Variants in PINX1 observed in about 807,000 individuals in gnomAD.
The protein encoded by PINX1 is PIN2/TERF1-interacting telomerase inhibitor 1.
Under a neutral mutation model 25.4 loss-of-function variants are expected in PINX1, and 34 were observed. That is an observed-to-expected ratio of 1.34 (90% confidence interval 1.02 to 1.78). The LOEUF (loss-of-function observed/expected upper bound fraction) is 1.78. PINX1 is among the 40% of genes most tolerant of loss of function. The pLI is 0.00. For missense variants in PINX1, 592 were observed against 404.9 expected (o/e 1.46, Z -3.97); for synonymous variants, 197 against 147.7 (o/e 1.33, Z -2.42).
At chr8:10,835,543 G>A (rs1269131916) in intron 1 of PINX1, among the ~76,000 whole-genome samples, 2 of 152,168 alleles carry the variant, frequency 1.3e-5, no homozygotes, top group Non-Finnish European at 2.9e-5. Flanking sequence ...GAAGCCCTCT[G>A]ACCCCTCTTT....
intron 1 of PINX1, 139 bp downstream of exon 1, chr8:10,839,599 G>A (rs1798507908): frequency 3.6e-6 from 3 of 837,406 alleles, no homozygotes; most frequent in Admixed American, 4.6e-5. Flanking sequence ...AATCAGAGCC[G>A]GGCTCGGCTC....
At chr8:10,817,974 T>C (rs974149988) in intron 6 of PINX1, among the ~76,000 whole-genome samples, 2 of 152,198 alleles carry the variant, frequency 1.3e-5, no homozygotes, top group Admixed American at 6.5e-5. Flanking sequence ...GTAATATAGA[T>C]ACCTGGACCC....
intron 5 of PINX1, among the ~76,000 whole-genome samples, chr8:10,825,782 T>C (rs955800403): frequency 3.9e-5 from 6 of 152,262 alleles, no homozygotes; most frequent in Non-Finnish European, 7.3e-5. Context: ...TAACACCAAC[T>C]TTCAGCTGTG....
At chr8:10,805,708 G>C (rs1399656160) in intron 6 of PINX1, among the ~76,000 whole-genome samples, 3 of 87,640 alleles carry the variant, frequency 3.4e-5, no homozygotes, top group Admixed American at 1.2e-4. Flanking sequence ...GGGTGACGGA[G>C]CACAGGAAGG....
intron 1 of PINX1, among the ~76,000 whole-genome samples, chr8:10,837,779 C>T (rs1346376927): frequency 1.3e-5 from 2 of 152,158 alleles, no homozygotes; most frequent in East Asian, 3.8e-4. Flanking sequence ...GTGTTGAGTC[C>T]CAAGAGCCAG....
At chr8:10,818,000 T>C (rs1797752824) in intron 6 of PINX1, among the ~76,000 whole-genome samples, 1 of 152,262 alleles carries the variant, frequency 6.6e-6, no homozygotes. Flanking sequence ...GAAGATTTAA[T>C]TTAATCGGTC....
At chr8:10,774,413 C>A (rs555120695) in intron 6 of PINX1, among the ~76,000 whole-genome samples, 16 of 152,078 alleles carry the variant, frequency 1.1e-4, no homozygotes, top group Non-Finnish European at 2.4e-4. Context: ...TCCCGAGTAG[C>A]TGGGATTACA....
At position 10,772,927 on chromosome 8, in the gene PINX1, A is replaced by AT. The variant is rs71538086; in HGVS notation, c.472-7012dup. Among the ~76,000 whole-genome samples, 887 of 146,668 alleles carry AT rather than the reference A, an allele frequency of 6.0e-3. 3 individuals are homozygous for AT. Among genetic ancestry groups the AT allele is most frequent in the Middle Eastern group, 0.011 (3 of 282 alleles). ...ATGGCCGTGGGCCTAGTTTTTAATG[A>AT]TTTTTTTTTTTTTTTACCATTTCTA... is the stretch of plus-strand genomic sequence containing the variant. On this transcript the variant is annotated intron_variant, in intron 6 of 6. Coordinates refer to ENST00000314787, the MANE Select transcript of PINX1 (RefSeq NM_017884.6).
In PINX1 at chr8:10,831,603, C is replaced by T. The variant is rs544421593; in HGVS notation, c.301+62G>A. 21 of 1,065,188 alleles carry T rather than the reference C, an allele frequency of 2.0e-5. No homozygotes were observed. In the East Asian group the frequency reaches 5.4e-4, roughly 27 times the overall value. 66.0% of individuals were successfully genotyped at this position (1,065,188 alleles called of 1,614,324 possible). On this transcript the variant is annotated intron_variant, in intron 4 of 6. Coordinates refer to ENST00000314787, the MANE Select transcript of PINX1 (RefSeq NM_017884.6). The stretch of plus-strand genomic sequence containing the variant: ...ATGTGTCAACTAAAAATAATAAAAG[C>T]AAAAAACAAAAAGTAGATAAACATA...
At chr8:10,821,554 T>C (rs1797868980) in intron 5 of PINX1, among the ~76,000 whole-genome samples, 1 of 152,112 alleles carries the variant, frequency 6.6e-6, no homozygotes, top group Non-Finnish European at 1.5e-5. Context: ...AAAGAAAACC[T>C]ACTTAAGAAT....
intron 6 of PINX1, among the ~76,000 whole-genome samples, chr8:10,796,811 CTCTAAGAAGGA>C (rs1802098215): frequency 6.6e-6 from 1 of 151,638 alleles, no homozygotes; most frequent in East Asian, 1.9e-4. Flanking sequence ...ATATAAAAGG[CTCTAAGAAGGA>C]TGCAATGAAA....
In PINX1 at chr8:10,825,572, G is replaced by C. The variant is rs537508643; in HGVS notation, c.394+580C>G. 77 of 422,870 alleles carry C rather than the reference G, an allele frequency of 1.8e-4. 1 individual carries two copies. Among genetic ancestry groups the C allele is most frequent in the African/African-American group, 1.4e-3 (69 of 48,652 alleles). The allele number at this position is 422,870 out of a possible 1,614,324, so 26.2% of individuals were successfully genotyped here. A position where few individuals can be genotyped will look rare whatever the true frequency, so the allele number is the denominator to read the frequency against. On this transcript the variant is annotated intron_variant, in intron 5 of 6. Transcript: ENST00000314787. ...GATTTCACATACTGGGAAGGGGCTA[G>C]GGAGGTGGTGATGAAGGAATAGGAA...
intron 6 of PINX1, among the ~76,000 whole-genome samples, chr8:10,769,307 T>A (rs115837746): frequency 6.6e-6 from 1 of 152,220 alleles, no homozygotes; most frequent in Non-Finnish European, 1.5e-5. Flanking sequence ...AGGACTGGCC[T>A]AGTCTGTTCA....
At chr8:10,826,758 A>G (rs1798062821) in intron 4 of PINX1, among the ~76,000 whole-genome samples, 1 of 152,200 alleles carries the variant, frequency 6.6e-6, no homozygotes, top group Admixed American at 6.5e-5. Context: ...CAAACATAAC[A>G]TATGACTCCA....
chr8:10,835,958 G>A (rs995557599), intron 1 of PINX1, among the ~76,000 whole-genome samples: 3 of 152,096 alleles, frequency 2.0e-5, no homozygotes, highest in African/African-American at 7.2e-5. Flanking sequence ...AACTCCAAAG[G>A]TTCAAAGCAC....
intron 6 of PINX1, among the ~76,000 whole-genome samples, chr8:10,817,828 C>T (rs1797747511): frequency 6.6e-6 from 1 of 152,178 alleles, no homozygotes; most frequent in Non-Finnish European, 1.5e-5. Context: ...GACCCGGAAG[C>T]CAGAAGCTCT....
At chr8:10,818,584 CT>C (rs1258664330) in intron 6 of PINX1, among the ~76,000 whole-genome samples, 1 of 152,096 alleles carries the variant, frequency 6.6e-6, no homozygotes, top group African/African-American at 2.4e-5. Context: ...AGGGCAAAGG[CT>C]GGGGGTGGTG....
chr8:10,798,783 C>G (rs1163309067), intron 6 of PINX1, among the ~76,000 whole-genome samples: 1 of 152,138 alleles, frequency 6.6e-6, no homozygotes, highest in African/African-American at 2.4e-5. Context: ...ACCATATTAC[C>G]TGGGAGCTTG....
Position 10,765,196 on chromosome 8 carries a change from C to T in PINX1, c.*205G>A. 1.9e-6 allele frequency: 1 copy of T among 537,454 alleles called. No individual in the cohort carries two copies. The highest frequency in any genetic ancestry group is 3.2e-6 in the Non-Finnish European group (1 of 308,520). The allele number at this position is 537,454 out of a possible 1,614,324, so 33.3% of individuals were successfully genotyped here. ...AAAAAATTTATTTGTGTCTGAGAGC[C>T]ACGATTGAGAACATTAAAAAGGTCC... On this transcript the variant is annotated 3_prime_UTR_variant, in exon 7 of 7. Transcript: ENST00000314787.
Sources: gnomAD v4.1 joint callset for allele counts (sites outside exome capture counted in the v4.1 genomes callset) on GRCh38, gnomAD v4.1.1 for gene constraint, MANE v1.5 for transcripts, NCBI Gene and HGNC (gene_info 2026-07-23, HGNC 2026-07-21) for gene names.